Variants in CFAP299 observed in about 807,000 individuals in gnomAD.
CFAP299 encodes cilia- and flagella-associated protein 299.
CFAP299 carries 21 observed loss-of-function variants against 27.0 expected under a neutral mutation model. The ratio of observed to expected loss-of-function variants is 0.78; its 90% CI spans 0.55 to 1.12. The LOEUF (loss-of-function observed/expected upper bound fraction) is 1.12, where lower values mean the gene tolerates loss of function less well. CFAP299 is among the 50% of genes most tolerant of loss of function. CFAP299 has a pLI of 0.00. For missense variants in CFAP299, 310 were observed against 276.6 expected, an observed-to-expected ratio of 1.12 and a Z score of -0.86; for synonymous variants, 104 against 98.1, an observed-to-expected ratio of 1.06 and a Z score of -0.36.
At position 80,417,598 on chromosome 4, in the gene CFAP299, G is replaced by A. The variant is rs539309723; in HGVS notation, c.242+54714G>A. ...CACTTTTCCTATAACAGATGGATTA[G>A]CCCTTTGTTTCACAATTGGGTATCA... On this transcript the variant is annotated intron_variant, in intron 2 of 5. Transcript: ENST00000358105. Among the ~76,000 whole-genome samples, 3 of 152,216 alleles carry A rather than the reference G, an allele frequency of 2.0e-5. No homozygotes were observed. The East Asian group carries it at 5.8e-4, about 29-fold the overall frequency.
At chr4:80,507,425 G>T (rs886614491) in intron 2 of CFAP299, among the ~76,000 whole-genome samples, 1 of 152,080 alleles carries the variant, frequency 6.6e-6, no homozygotes, top group Non-Finnish European at 1.5e-5. Context: ...AGATATAAGA[G>T]AATATAATAT....
chr4:80,492,832 G>A (rs1275460495), intron 2 of CFAP299, among the ~76,000 whole-genome samples: 3 of 152,166 alleles, frequency 2.0e-5, no homozygotes, highest in Admixed American at 2.0e-4. Flanking sequence ...GCTTAGGATT[G>A]GCTAGTTTGA....
chr4:80,373,595 A>G (rs1369665873), intron 2 of CFAP299, among the ~76,000 whole-genome samples: 1 of 151,998 alleles, frequency 6.6e-6, no homozygotes, highest in Non-Finnish European at 1.5e-5. Context: ...TTGATTGCCC[A>G]TCTGTTTTGT....
chr4:80,367,215 G>A (rs932200123), intron 2 of CFAP299, among the ~76,000 whole-genome samples: 20 of 152,166 alleles, frequency 1.3e-4, no homozygotes, highest in Non-Finnish European at 1.2e-4. Flanking sequence ...TTAAATTTCA[G>A]TTCAAAAAGA....
chr4:80,915,119 T>C (rs1458770140), intron 4 of CFAP299, among the ~76,000 whole-genome samples: 2 of 152,064 alleles, frequency 1.3e-5, no homozygotes, highest in Non-Finnish European at 2.9e-5. Context: ...TTTCAATTTA[T>C]TTCAAATATT....
chr4:80,596,074 G>A (rs2109893450), intron 3 of CFAP299, among the ~76,000 whole-genome samples: 1 of 152,228 alleles, frequency 6.6e-6, no homozygotes, highest in African/African-American at 2.4e-5. Flanking sequence ...TCCAAAGAGG[G>A]AAAGAGGGAT....
chr4:80,720,254 A>G (rs1352248058), intron 3 of CFAP299, among the ~76,000 whole-genome samples: 1 of 152,208 alleles, frequency 6.6e-6, no homozygotes, highest in Non-Finnish European at 1.5e-5. Flanking sequence ...CTGGAGCAAG[A>G]GAGAATGAAT....
At chr4:80,342,634 C>T (rs1392361039) in intron 1 of CFAP299, among the ~76,000 whole-genome samples, 1 of 152,126 alleles carries the variant, frequency 6.6e-6, no homozygotes, top group Non-Finnish European at 1.5e-5. Context: ...AAATTCATCA[C>T]CACCAGGCCT....
intron 3 of CFAP299, among the ~76,000 whole-genome samples, chr4:80,638,833 A>G (rs529458060): frequency 1.2e-3 from 180 of 152,300 alleles, no homozygotes; most frequent in African/African-American, 4.1e-3. Context: ...TCATGCTGCT[A>G]TAACAAAATA....
intron 3 of CFAP299, among the ~76,000 whole-genome samples, chr4:80,747,850 C>T (rs180804342): frequency 8.5e-5 from 13 of 152,126 alleles, no homozygotes; most frequent in African/African-American, 2.4e-4. Flanking sequence ...CATGGCTTTA[C>T]CTGTCATTTA....
intron 5 of CFAP299, among the ~76,000 whole-genome samples, chr4:80,959,647 A>G (rs1578269342): frequency 6.6e-6 from 1 of 152,184 alleles, no homozygotes; most frequent in East Asian, 1.9e-4. Context: ...AAGGAATTCC[A>G]CAAATAAAAC....
chr4:80,353,421 A>T (rs1723107194), intron 1 of CFAP299, among the ~76,000 whole-genome samples: 1 of 152,228 alleles, frequency 6.6e-6, no homozygotes, highest in Non-Finnish European at 1.5e-5. Context: ...ACAAATCCAC[A>T]TCCCAAAGTC....
intron 2 of CFAP299, among the ~76,000 whole-genome samples, chr4:80,411,293 T>G (rs1476048012): frequency 6.6e-6 from 1 of 152,180 alleles, no homozygotes; most frequent in Non-Finnish European, 1.5e-5. Flanking sequence ...GCAATCCATA[T>G]GTATAAACTG....
chr4:80,338,138 T>C (rs1011782596), intron 1 of CFAP299, among the ~76,000 whole-genome samples: 3 of 152,188 alleles, frequency 2.0e-5, no homozygotes, highest in Non-Finnish European at 4.4e-5. Flanking sequence ...TAACTGACTT[T>C]GATTTGAATG....
At chr4:80,538,328 A>G (rs1162060828) in intron 2 of CFAP299, among the ~76,000 whole-genome samples, 1 of 152,192 alleles carries the variant, frequency 6.6e-6, no homozygotes, top group Non-Finnish European at 1.5e-5. Context: ...TTTTAAAAAT[A>G]TAAGTTAAAA....
intron 3 of CFAP299, among the ~76,000 whole-genome samples, chr4:80,783,360 G>A (rs775384699): frequency 1.3e-5 from 2 of 151,976 alleles, no homozygotes; most frequent in East Asian, 1.9e-4. Context: ...GACCATTGGG[G>A]GCCATTTTGG....
chr4:80,640,317 G>A (rs1267745737), intron 3 of CFAP299, among the ~76,000 whole-genome samples: 1 of 152,132 alleles, frequency 6.6e-6, no homozygotes, highest in Non-Finnish European at 1.5e-5. Context: ...GGCAAGAGGT[G>A]AAACCTGGAA....
At chr4:80,457,209 TC>T (rs1168141618) in intron 2 of CFAP299, among the ~76,000 whole-genome samples, 1 of 152,150 alleles carries the variant, frequency 6.6e-6, no homozygotes, top group African/African-American at 2.4e-5. Flanking sequence ...CAATTGATGA[TC>T]CGCAGGCAGC....
At chr4:80,902,703 A>G (rs1008290731) in intron 4 of CFAP299, among the ~76,000 whole-genome samples, 3 of 151,324 alleles carry the variant, frequency 2.0e-5, no homozygotes, top group African/African-American at 4.8e-5. Flanking sequence ...TGCTAACCAC[A>G]TAAGAAATTG....
Sources: gnomAD v4.1 joint callset for allele counts (sites outside exome capture counted in the v4.1 genomes callset) on GRCh38, gnomAD v4.1.1 for gene constraint, MANE v1.5 for transcripts, NCBI Gene and HGNC (gene_info 2026-07-23, HGNC 2026-07-21) for gene names.